TEX36: variants seen among roughly 807,000 people sequenced by gnomAD.
TEX36 encodes testis-expressed protein 36.
Under a neutral mutation model 13.6 loss-of-function variants are expected in TEX36, and 12 were observed. The observed-to-expected ratio is 0.88, with a 90% CI of 0.56 to 1.43. The LOEUF (loss-of-function observed/expected upper bound fraction) is 1.43. Among genes scored for constraint, TEX36 ranks in the 40% most tolerant of loss-of-function variants. The pLI, the probability that TEX36 is intolerant of heterozygous loss-of-function variation, is 0.00. For missense variants in TEX36, 224 were observed against 228.3 expected (o/e 0.98, Z 0.12); for synonymous variants, 93 against 83.0 (o/e 1.12, Z -0.65).
chr10:125,607,346 A>G (rs297223), intron 3 of TEX36, among the ~76,000 whole-genome samples: 34,847 of 152,214 alleles, frequency 0.23, 5,944 homozygotes, highest in African/African-American at 0.48. Flanking sequence ...TGGTTTATCC[A>G]AAAGGTCTAT....
At chr10:125,658,620 A>G (rs17153350) in intron 3 of TEX36, among the ~76,000 whole-genome samples, 1,660 of 152,228 alleles carry the variant, frequency 0.011, 29 homozygotes, top group African/African-American at 0.037. Context: ...ATCACACACA[A>G]GACAACAAAG....
chr10:125,613,437 C>A (rs1359573159), intron 3 of TEX36, among the ~76,000 whole-genome samples: 2 of 92,748 alleles, frequency 2.2e-5, no homozygotes, highest in African/African-American at 8.5e-5. Context: ...CCCCTCCCCC[C>A]ACCCCACAAC....
intron 3 of TEX36, among the ~76,000 whole-genome samples, chr10:125,589,907 G>A (rs1846001472): frequency 1.3e-5 from 2 of 152,066 alleles, no homozygotes; most frequent in Non-Finnish European, 2.9e-5. Flanking sequence ...GTAAAGTCTC[G>A]GTATCACAAT....
At chr10:125,674,163 C>T (rs1847277001) in intron 1 of TEX36, among the ~76,000 whole-genome samples, 1 of 152,134 alleles carries the variant, frequency 6.6e-6, no homozygotes, top group Non-Finnish European at 1.5e-5. Flanking sequence ...CTTATTTCAG[C>T]AAGACAGTCT....
At chr10:125,585,568 T>C (rs1168291871) in intron 3 of TEX36, among the ~76,000 whole-genome samples, 1 of 152,158 alleles carries the variant, frequency 6.6e-6, no homozygotes, top group Non-Finnish European at 1.5e-5. Flanking sequence ...GTCACTCTGA[T>C]CTCTCTTTCC....
chr10:125,612,178 G>T (rs1352900724), intron 3 of TEX36, among the ~76,000 whole-genome samples: 1 of 151,100 alleles, frequency 6.6e-6, no homozygotes, highest in East Asian at 1.9e-4. Flanking sequence ...CCACCACCTG[G>T]GTCCAAGCAA....
chr10:125,608,972 T>TA (rs35828943), intron 3 of TEX36, among the ~76,000 whole-genome samples: 34,838 of 83,126 alleles, frequency 0.42, 5,674 homozygotes, highest in African/African-American at 0.47. Context: ...CCACCTCTAC[T>TA]AAAAAAAAAA....
chr10:125,600,241 G>C (rs1248775037), intron 3 of TEX36, among the ~76,000 whole-genome samples: 1 of 152,184 alleles, frequency 6.6e-6, no homozygotes, highest in Non-Finnish European at 1.5e-5. Flanking sequence ...TGGAAGAGTT[G>C]GCTGCGGGGA....
intron 3 of TEX36, among the ~76,000 whole-genome samples, chr10:125,622,124 G>A (rs1045332834): frequency 1.3e-5 from 2 of 152,078 alleles, no homozygotes; most frequent in Non-Finnish European, 1.5e-5. Flanking sequence ...TGTCAACTGG[G>A]CACCCATACA....
intron 1 of TEX36, chr10:125,667,362 G>C: frequency 1.5e-6 from 1 of 648,084 alleles, no homozygotes; most frequent in Non-Finnish European, 3.0e-6. Flanking sequence ...TTCAAGTCAT[G>C]GTCCCCATTA....
chr10:125,661,752 T>C (rs1847046482), intron 2 of TEX36, 94 bp downstream of exon 2: 4 of 1,484,624 alleles, frequency 2.7e-6, no homozygotes, highest in Non-Finnish European at 3.6e-6. Context: ...CGCAGTTTCT[T>C]ACAAAGAAGA....
chr10:125,660,931 G>T, intron 3 of TEX36, 90 bp downstream of exon 3: 1 of 1,141,722 alleles, frequency 8.8e-7, no homozygotes, highest in Non-Finnish European at 1.3e-6. Flanking sequence ...CCAGTTTTGA[G>T]GCCAATCCTC....
At chr10:125,647,223 T>C (rs1846783592) in intron 3 of TEX36, among the ~76,000 whole-genome samples, 1 of 152,178 alleles carries the variant, frequency 6.6e-6, no homozygotes. Context: ...CGTACAACCA[T>C]AGCACAAACC....
intron 1 of TEX36, among the ~76,000 whole-genome samples, chr10:125,671,363 G>A (rs1269695904): frequency 6.6e-6 from 1 of 152,086 alleles, no homozygotes; most frequent in African/African-American, 2.4e-5. Context: ...TTTATTAAAG[G>A]TCTTTTCTAT....
chr10:125,576,992 C>G, intron 3 of TEX36: 3 of 1,337,476 alleles, frequency 2.2e-6, no homozygotes, highest in Middle Eastern at 2.4e-4. Context: ...AAAAACACCC[C>G]AGAGAAGGAT....
downstream of TEX36, among the ~76,000 whole-genome samples, chr10:125,618,666 T>G (rs1846388019): frequency 6.6e-6 from 1 of 152,016 alleles, no homozygotes; most frequent in African/African-American, 2.4e-5. Context: ...ACAGCCTAGG[T>G]TCCTGATACC....
chr10:125,589,849 G>T (rs1359743858), intron 3 of TEX36, among the ~76,000 whole-genome samples: 1 of 152,114 alleles, frequency 6.6e-6, no homozygotes, highest in Non-Finnish European at 1.5e-5. Flanking sequence ...ATTGTCTGAT[G>T]AAGAAATATG....
chr10:125,642,088 T>C (rs1846700702), intron 3 of TEX36, among the ~76,000 whole-genome samples: 1 of 152,212 alleles, frequency 6.6e-6, no homozygotes, highest in South Asian at 2.1e-4. Flanking sequence ...AGTGGAATTA[T>C]GTGTCACTCC....
At chr10:125,640,903 A>C (rs1489913903) in intron 3 of TEX36, among the ~76,000 whole-genome samples, 1 of 152,050 alleles carries the variant, frequency 6.6e-6, no homozygotes, top group East Asian at 1.9e-4. Flanking sequence ...CCCTGTACTC[A>C]ACAGAACATA....
Sources: allele counts gnomAD v4.1 joint callset (sites outside exome capture counted in the v4.1 genomes callset), GRCh38; gene constraint gnomAD v4.1.1; transcripts MANE v1.5; gene names NCBI Gene and HGNC (gene_info 2026-07-23, HGNC 2026-07-21).